The following LONP1 variants were observed in gnomAD, a reference collection of about 807,000 sequenced individuals.
The protein encoded by LONP1 is lon protease homolog, mitochondrial.
In LONP1, 31 loss-of-function variants were observed where a neutral mutation model predicts 98.5. The observed-to-expected ratio is 0.31, with a 90% CI of 0.24 to 0.42. LONP1 has a LOEUF of 0.42. LONP1 is among the 20% of genes least tolerant of loss of function. LONP1 has a pLI of 1.00. For missense variants in LONP1, 1,336 were observed against 1,350.6 expected (o/e 0.99, Z 0.17); for synonymous variants, 781 against 594.7 (o/e 1.31, Z -4.56).
rs2054873294 is a variant in LONP1, at chr19:5,693,697, CCATCCTTGTCACCCTTGG to C, written c.2375_2392del (p.Ala792_Asp797del). The stretch of plus-strand genomic sequence containing the variant: ...CAGCTGGCCTGTCACCTCCAGGCTG[CCATCCTTGTCACCCTTGG>C]CATCCTTGTCCTGTGGCCGTCTCAG... On this transcript the variant is annotated inframe_deletion, in exon 16 of 18. Transcript: ENST00000360614. 2.5e-6 allele frequency: 4 copies of C among 1,614,076 alleles called. No homozygotes were observed. Among genetic ancestry groups the C allele is most frequent in the Admixed American group, 1.7e-5 (1 of 60,026 alleles).
chr19:5,694,578 G>A (rs1056717761), intron 14 of LONP1, 26 bp from the exon 15 acceptor site: 1 of 1,607,804 alleles, frequency 6.2e-7, no homozygotes, highest in African/African-American at 1.3e-5. Context: ...AACACAATGG[G>A]CACGGGAAGG....
chr19:5,712,032 A>G lies in LONP1; in HGVS notation c.639-30T>C, dbSNP rs771765169. 1.1e-5 allele frequency: 18 copies of G among 1,580,336 alleles called. No homozygotes were observed. In the East Asian group the frequency reaches 3.4e-4, roughly 30 times the overall value. ...CACGGGAGCAAGGCAGGTGTGAATC[A>G]GCCGCTGAGGCTGGGAGCTGGACCC... On this transcript the variant is annotated intron_variant, in intron 3 of 17. Transcript: ENST00000360614.
At position 5,696,240 on chromosome 19, in the gene LONP1, G is replaced by GC. The variant is rs748267797; in HGVS notation, c.1896+8dup. ...CCCAGCAAGCCCAGGCCCCAGACAG[G>GC]CCCCCCACCTTGGACAAGTCCACGG... On this transcript the variant is annotated intron_variant, in intron 12 of 17. Coordinates refer to ENST00000360614, the MANE Select transcript of LONP1 (RefSeq NM_004793.4). The GC allele has an allele frequency of 1.1e-5, 18 of 1,612,896 alleles. No individual in the cohort carries two copies. Among genetic ancestry groups the GC allele is most frequent in the Admixed American group, 3.3e-5 (2 of 59,976 alleles).
chr19:5,694,627 G>A, intron 14 of LONP1, 75 bp from the exon 15 acceptor site: 4 of 1,549,554 alleles, frequency 2.6e-6, no homozygotes, highest in Non-Finnish European at 3.5e-6. Flanking sequence ...GACGGGCACA[G>A]AAAGGTGTGA....
rs577088004 is a variant in LONP1, at chr19:5,697,672, G to T, written c.1686-915C>A. 1.4e-4 allele frequency among the ~76,000 whole-genome samples: 22 copies of T among 151,936 alleles called. 1 individual carries two copies. Among genetic ancestry groups the T allele is most frequent in the Non-Finnish European group, 2.8e-4 (19 of 67,938 alleles). On this transcript the variant is annotated intron_variant, in intron 10 of 17. Transcript: ENST00000360614. ...ACTTGGGCTTTGACCGAGGAACGTG[G>T]GAGCCCTGGAGAGCTGGGGGCAAAG...
At chr19:5,700,950 ATGC>A (rs1483184736) in intron 8 of LONP1, 23 bp from the exon 9 acceptor site, 1 of 1,613,810 alleles carries the variant, frequency 6.2e-7, no homozygotes, top group Non-Finnish European at 8.5e-7. Flanking sequence ...AGATGGAGAG[ATGC>A]TGAGTGGAGC....
At chr19:5,717,657 T>C (rs979200290) in intron 1 of LONP1, 18 of 152,174 alleles carry the variant, frequency 1.2e-4, no homozygotes, top group Non-Finnish European at 2.5e-4. Context: ...AAGTCAAGGA[T>C]GGGAAAAAGG....
At chr19:5,707,179 A>G (rs1450161624) in intron 6 of LONP1, 36 bp from the exon 7 acceptor site, 4 of 1,588,032 alleles carry the variant, frequency 2.5e-6, no homozygotes, top group Non-Finnish European at 2.6e-6. Flanking sequence ...GATGAGCAGA[A>G]GTCGGCATCT....
Position 5,713,347 on chromosome 19 carries a change from G to A in LONP1, c.519-94C>T, listed in dbSNP as rs569078558. The A allele has an allele frequency of 1.8e-4, 260 of 1,454,076 alleles. 1 individual carries two copies. In the South Asian group the frequency reaches 2.6e-3, roughly 15 times the overall value. The allele number at this position is 1,454,076 out of a possible 1,614,324, so 90.1% of individuals were successfully genotyped here. A position where few individuals can be genotyped will look rare whatever the true frequency, so the allele number is the denominator to read the frequency against. On this transcript the variant is annotated intron_variant, in intron 2 of 17. Transcript: ENST00000360614. ...GATGGAGGAGGGAGAGAAAAGAAACGCCCCTACCAAATGCTACTGAAAACC... is the reference window on the plus strand; with the variant it reads ...GATGGAGGAGGGAGAGAAAAGAAACACCCCTACCAAATGCTACTGAAAACC...
chr19:5,694,935 G>C (rs1009203839), intron 13 of LONP1, 34 bp from the exon 14 acceptor site: 2 of 1,578,792 alleles, frequency 1.3e-6, no homozygotes, highest in Non-Finnish European at 1.7e-6. Context: ...GGGTCTGGAG[G>C]GACCTTGCCC....
At chr19:5,696,600 C>G (rs142021468) in intron 11 of LONP1, 70 bp downstream of exon 11, 44 of 1,474,770 alleles carry the variant, frequency 3.0e-5, no homozygotes, top group Non-Finnish European at 3.6e-5. Context: ...TCCTAGGACC[C>G]GGAAGGCTCG....
chr19:5,713,013 G>T, intron 3 of LONP1, 121 bp downstream of exon 3: 2 of 1,410,700 alleles, frequency 1.4e-6, no homozygotes, highest in Non-Finnish European at 2.0e-6. Context: ...CTCAGTGCTA[G>T]TGAGAAAGCC....
intron 1 of LONP1, among the ~76,000 whole-genome samples, chr19:5,716,299 T>TATATATATAC (rs2055322178): frequency 8.2e-6 from 1 of 122,148 alleles, no homozygotes; most frequent in Non-Finnish European, 1.7e-5. Context: ...TATATATATA[T>TATATATATAC]AGTAATGGCC....
At chr19:5,692,311 G>T in intron 17 of LONP1, 103 bp from the exon 18 acceptor site, 1 of 1,152,186 alleles carries the variant, frequency 8.7e-7, no homozygotes, top group Non-Finnish European at 1.2e-6. Flanking sequence ...GCGATACACA[G>T]TGATGCCGGG....
chr19:5,696,834 C>T, intron 10 of LONP1, 77 bp from the exon 11 acceptor site: 1 of 979,118 alleles, frequency 1.0e-6, no homozygotes. Context: ...CCTCCAGGGC[C>T]ACAGGGGAGA....
intron 8 of LONP1, among the ~76,000 whole-genome samples, chr19:5,702,131 T>G (rs2055060344): frequency 7.0e-6 from 1 of 143,098 alleles, no homozygotes; most frequent in Non-Finnish European, 1.5e-5. Flanking sequence ...GAGGGGCGCC[T>G]CTGCCCGGCC....
intron 8 of LONP1, among the ~76,000 whole-genome samples, chr19:5,702,352 G>T (rs1371701537): frequency 2.0e-5 from 3 of 148,956 alleles, no homozygotes; most frequent in Non-Finnish European, 4.5e-5. Flanking sequence ...CGGGAGGGAG[G>T]TGGGGGGGTC....
chr19:5,707,658 A>G (rs1001867846), intron 6 of LONP1, 39 bp downstream of exon 6: 1 of 1,586,634 alleles, frequency 6.3e-7, no homozygotes, highest in Non-Finnish European at 8.6e-7. Context: ...GGTGGGGTGC[A>G]GCCAGGCGTG....
intron 11 of LONP1, 36 bp downstream of exon 11, chr19:5,696,634 C>A: frequency 6.3e-7 from 1 of 1,594,746 alleles, no homozygotes; most frequent in Non-Finnish European, 8.6e-7. Context: ...CACGGCATTG[C>A]CGGGTTAGGG....
Sources: allele counts gnomAD v4.1 joint callset (sites outside exome capture counted in the v4.1 genomes callset), GRCh38; gene constraint gnomAD v4.1.1; transcripts MANE v1.5; gene names NCBI Gene and HGNC (gene_info 2026-07-23, HGNC 2026-07-21).